AKAP13: variants seen among roughly 807,000 people sequenced by gnomAD.
AKAP13 encodes the protein A-kinase anchor protein 13.
Under a neutral mutation model 264.5 loss-of-function variants are expected in AKAP13, and 80 were observed. The ratio of observed to expected loss-of-function variants is 0.30; its 90% CI spans 0.25 to 0.36. The LOEUF is 0.36. AKAP13 is among the 10% of genes least tolerant of loss of function. AKAP13 has a pLI of 1.00. For synonymous variants in AKAP13, 1,380 were observed against 1,250.2 expected (o/e 1.10, Z -2.19); for missense variants, 3,712 against 3,435.2 (o/e 1.08, Z -2.01).
intron 5 of AKAP13, among the ~76,000 whole-genome samples, chr15:85,566,625 A>AAT (rs1290493677): frequency 3.4e-5 from 4 of 118,926 alleles, no homozygotes; most frequent in Non-Finnish European, 5.5e-5. Flanking sequence ...AAAATAACTT[A>AAT]CTTTTTTTTT....
At chr15:85,480,695 A>C (rs1567079279) in intron 1 of AKAP13, among the ~76,000 whole-genome samples, 4 of 150,398 alleles carry the variant, frequency 2.7e-5, no homozygotes, top group South Asian at 2.1e-4. Context: ...CTTTCTTCTT[A>C]TTTTTTTTTG....
intron 8 of AKAP13, among the ~76,000 whole-genome samples, chr15:85,595,379 A>AT (rs1430924390): frequency 6.6e-6 from 1 of 152,156 alleles, no homozygotes; most frequent in Non-Finnish European, 1.5e-5. Context: ...GAATACAGGC[A>AT]TGAGCCACTG....
intron 1 of AKAP13, among the ~76,000 whole-genome samples, chr15:85,460,303 A>G (rs1237519151): frequency 6.6e-6 from 1 of 152,198 alleles, no homozygotes; most frequent in Non-Finnish European, 1.5e-5. Context: ...ATGCATTTGT[A>G]CAGGCTGTTT....
At position 85,423,423 on chromosome 15, in the gene AKAP13, A is replaced by C. The variant is rs116949619; in HGVS notation, c.-12+42625A>C. ...TGCACAGCATCTGCACCAAGAGTAG[A>C]TTCCATGTCTAGAAGCCACTTTCTT... On this transcript the variant is annotated intron_variant, in intron 1 of 36. Coordinates refer to ENST00000394518, the MANE Select transcript of AKAP13 (RefSeq NM_007200.5). Among the ~76,000 whole-genome samples, 811 of 152,348 alleles carry C rather than the reference A, an allele frequency of 5.3e-3. 6 individuals are homozygous for C. The highest frequency in any genetic ancestry group is 8.8e-3 in the Non-Finnish European group (597 of 68,038).
At chr15:85,548,838 C>T (rs954232638) in intron 5 of AKAP13, among the ~76,000 whole-genome samples, 1 of 149,856 alleles carries the variant, frequency 6.7e-6, no homozygotes, top group Non-Finnish European at 1.5e-5. Context: ...AATCCAGGGT[C>T]TACTTCTGTG....
intron 1 of AKAP13, among the ~76,000 whole-genome samples, chr15:85,448,292 C>T (rs2073966976): frequency 6.6e-6 from 1 of 152,092 alleles, no homozygotes; most frequent in Admixed American, 6.6e-5. Flanking sequence ...GCATAGTTTG[C>T]AAATATTTTC....
intron 33 of AKAP13, 103 bp from the exon 34 acceptor site, chr15:85,740,119 G>A: frequency 6.0e-6 from 7 of 1,157,556 alleles, no homozygotes; most frequent in East Asian, 2.4e-5. Context: ...TAAGCATTTA[G>A]TTGTATCTTA....
chr15:85,665,927 C>G (rs1838367860), intron 13 of AKAP13, among the ~76,000 whole-genome samples: 1 of 152,032 alleles, frequency 6.6e-6, no homozygotes, highest in Non-Finnish European at 1.5e-5. Flanking sequence ...TCCAGTCTAT[C>G]ATGGACATTT....
intron 1 of AKAP13, among the ~76,000 whole-genome samples, chr15:85,454,891 A>G (rs1227346703): frequency 6.6e-6 from 1 of 152,228 alleles, no homozygotes; most frequent in Non-Finnish European, 1.5e-5. Context: ...AAATTGATCC[A>G]GATTATCTCC....
At chr15:85,428,286 G>A (rs1483266575) in intron 1 of AKAP13, among the ~76,000 whole-genome samples, 1 of 152,134 alleles carries the variant, frequency 6.6e-6, no homozygotes, top group Non-Finnish European at 1.5e-5. Flanking sequence ...CGCAACCTCC[G>A]CCTCCTGGGT....
chr15:85,717,407 G>A lies in AKAP13; in HGVS notation c.5848+5G>A. On this transcript the variant is annotated splice_donor_5th_base_variant and intron_variant, in intron 21 of 36. Transcript: ENST00000394518. Reference sequence around the variant, plus strand: ...CAGAATCACTTACTGATGAGGGTAAGAGGAAGTTATGGCCTTTATTTTATG... The same window carrying A: ...CAGAATCACTTACTGATGAGGGTAAAAGGAAGTTATGGCCTTTATTTTATG... 3 of 1,600,232 alleles carry A rather than the reference G, an allele frequency of 1.9e-6. No individual in the cohort carries two copies. The highest frequency in any genetic ancestry group is 2.6e-6 in the Non-Finnish European group (3 of 1,168,494).
chr15:85,669,004 G>A (rs1167531721), intron 13 of AKAP13, among the ~76,000 whole-genome samples: 5 of 152,254 alleles, frequency 3.3e-5, no homozygotes, highest in Non-Finnish European at 7.4e-5. Context: ...TTGGGAGGCC[G>A]AGGCAGGCGG....
In AKAP13 at chr15:85,655,530, T is replaced by C. The variant is rs1220885808; in HGVS notation, c.4488T>C (p.Ile1496=). The change falls in exon 11 of 37, where the codon ATT becomes ATC. Residue 1496 remains isoleucine, a synonymous_variant. Transcript: ENST00000394518. The part of the protein sequence containing the change: ...SHGSDVSLSQ[I]LKPNRSRDRQ... ...GCAGTGATGTGTCTCTCTCCCAGAT[T>C]TTAAAGCCAAACAGGTCAAGAGATC... is the stretch of plus-strand genomic sequence containing the variant. 1.9e-6 allele frequency: 3 copies of C among 1,614,178 alleles called. No individual in the cohort carries two copies. Among genetic ancestry groups the C allele is most frequent in the Non-Finnish European group, 1.7e-6 (2 of 1,180,028 alleles).
At chr15:85,740,640 G>T in intron 34 of AKAP13, 1 of 317,410 alleles carries the variant, frequency 3.2e-6, no homozygotes, top group Non-Finnish European at 5.8e-6. Context: ...TTCTGTTTCG[G>T]ACTTCCCAGG....
chr15:85,712,722 T>G (rs1385991526), intron 19 of AKAP13, among the ~76,000 whole-genome samples: 1 of 152,140 alleles, frequency 6.6e-6, no homozygotes, highest in African/African-American at 2.4e-5. Context: ...TTTTGTATTT[T>G]TACTAGAGAT....
intron 8 of AKAP13, among the ~76,000 whole-genome samples, chr15:85,595,531 C>G (rs1279990883): frequency 6.6e-6 from 1 of 152,162 alleles, no homozygotes; most frequent in African/African-American, 2.4e-5. Flanking sequence ...GACATGTTAT[C>G]AGATACCATT....
rs558452376 is a variant in AKAP13 at position 85,472,027 on chromosome 15, T to G, written c.-11-13683T>G. 1.8e-4 allele frequency among the ~76,000 whole-genome samples: 28 copies of G among 152,148 alleles called. No individual in the cohort carries two copies. In the South Asian group the frequency reaches 3.3e-3, roughly 18 times the overall value. On this transcript the variant is annotated intron_variant, in intron 1 of 36. Coordinates refer to ENST00000394518, the MANE Select transcript of AKAP13 (RefSeq NM_007200.5). ...TTAGTTTTGTATTTTTTTAAGCAAG[T>G]TTTTCGGTCTTCAGTATACAGGCCT...
intron 5 of AKAP13, among the ~76,000 whole-genome samples, chr15:85,560,306 C>T (rs542640917): frequency 6.6e-5 from 10 of 152,064 alleles, no homozygotes; most frequent in East Asian, 1.9e-4. Context: ...ACCACCAGGC[C>T]GGGCTAATTT....
chr15:85,630,210 TCATGAACTAAGATGGAAAATTGTA>T (rs2081671887), intron 8 of AKAP13, among the ~76,000 whole-genome samples: 1 of 11,934 alleles, frequency 8.4e-5, no homozygotes. Context: ...CACACACACA[TCATGAACTAAGATGGAAAATTGTA>T]ACACACACAC....
Sources: allele counts gnomAD v4.1 joint callset (sites outside exome capture counted in the v4.1 genomes callset), GRCh38; gene constraint gnomAD v4.1.1; transcripts MANE v1.5; gene names NCBI Gene and HGNC (gene_info 2026-07-23, HGNC 2026-07-21).